Variants in BET1 observed in about 807,000 individuals in gnomAD.
BET1 encodes the protein BET1 homolog.
Under a neutral mutation model 13.9 loss-of-function variants are expected in BET1, and 9 were observed. That is an observed-to-expected ratio of 0.65 (90% confidence interval 0.39 to 1.13). The LOEUF is 1.13. BET1 is among the 50% of genes most tolerant of loss of function. BET1 has a pLI of 0.01. For synonymous variants in BET1, 39 were observed against 47.3 expected (o/e 0.82, Z 0.72); for missense variants, 127 against 133.6 (o/e 0.95, Z 0.24).
At chr7:93,994,440 A>G in intron 3 of BET1, 55 bp from the exon 4 acceptor site, 1 of 1,501,720 alleles carries the variant, frequency 6.7e-7, no homozygotes. Flanking sequence ...GAGTCTACAT[A>G]TGCATATCCA....
At chr7:93,984,738 G>A (rs1396366747) in intron 4 of BET1, among the ~76,000 whole-genome samples, 1 of 152,074 alleles carries the variant, frequency 6.6e-6, no homozygotes, top group Non-Finnish European at 1.5e-5. Context: ...GCACTATAAA[G>A]CATTGCGTGA....
In BET1 at chr7:93,993,732, C is replaced by A; in HGVS notation, c.*498G>T. ...AGGAAGATTGTAGGTAAAAAGAAATCAGCCTACAATTTTAACTAAATAAAG... is the reference window on the plus strand; with the variant it reads ...AGGAAGATTGTAGGTAAAAAGAAATAAGCCTACAATTTTAACTAAATAAAG... On this transcript the variant is annotated 3_prime_UTR_variant, in exon 4 of 4. Coordinates refer to ENST00000222547, the MANE Select transcript of BET1 (RefSeq NM_005868.6). 1 of 1,345,686 alleles carries A rather than the reference C, an allele frequency of 7.4e-7. No individual in the cohort carries two copies. Among genetic ancestry groups the A allele is most frequent in the Non-Finnish European group, 9.5e-7 (1 of 1,054,362 alleles). 83.4% of individuals were successfully genotyped at this position (1,345,686 alleles called of 1,614,324 possible).
In BET1 at chr7:93,993,378, A is replaced by G; in HGVS notation, c.*852T>C. ...TCTGCCTTTGTGTTTTTCTTTCCAT[A>G]AACAAATACACTGGATTAAAGCAAT... On this transcript the variant is annotated 3_prime_UTR_variant, in exon 4 of 4. Transcript: ENST00000222547. The G allele has an allele frequency of 3.1e-6, 3 of 974,964 alleles. No homozygotes were observed. Among genetic ancestry groups the G allele is most frequent in the Non-Finnish European group, 3.7e-6 (3 of 820,052 alleles). The allele number at this position is 974,964 out of a possible 1,614,324, so 60.4% of individuals were successfully genotyped here.
In BET1 at chr7:93,994,010, C is replaced by CA. The variant is rs1247840504; in HGVS notation, c.*219dup. The CA allele has an allele frequency of 1.3e-6, 2 of 1,510,094 alleles. No individual in the cohort carries two copies. The highest frequency in any genetic ancestry group is 4.9e-5 in the East Asian group (2 of 40,668). 93.5% of individuals were successfully genotyped at this position (1,510,094 alleles called of 1,614,324 possible). On this transcript the variant is annotated 3_prime_UTR_variant, in exon 4 of 4. Transcript: ENST00000222547. The stretch of plus-strand genomic sequence containing the variant: ...GGAAATTAGTGGAGCCACACCCTCT[C>CA]ACTACCCCTGAAAATAGGGGCTAAA...
At chr7:93,997,111 C>T (rs1362013528) in intron 2 of BET1, among the ~76,000 whole-genome samples, 1 of 152,028 alleles carries the variant, frequency 6.6e-6, no homozygotes, top group Non-Finnish European at 1.5e-5. Context: ...CTATTCAAAC[C>T]AAAATCTATC....
intron 4 of BET1, among the ~76,000 whole-genome samples, chr7:93,985,600 A>ATATTGTAATGTATTCAAACTG (rs1795511852): frequency 6.6e-6 from 1 of 151,946 alleles, no homozygotes; most frequent in Non-Finnish European, 1.5e-5. Context: ...TATTCAAACT[A>ATATTGTAATGTATTCAAACTG]TATTGTAATG....
At chr7:93,966,264 G>C (rs561676278) in intron 6 of BET1, among the ~76,000 whole-genome samples, 160 of 152,054 alleles carry the variant, frequency 1.1e-3, no homozygotes, top group African/African-American at 3.7e-3. Flanking sequence ...TCTCTTCCAA[G>C]AAGTGCTTGC....
chr7:93,968,337 T>C (rs1270890553), intron 6 of BET1: 1 of 151,778 alleles, frequency 6.6e-6, no homozygotes, highest in Non-Finnish European at 1.5e-5. Flanking sequence ...TTCAAAACCA[T>C]ACATACAAAA....
At chr7:93,984,208 TTCTGTGTC>T (rs1040151672) in intron 4 of BET1, among the ~76,000 whole-genome samples, 8 of 152,266 alleles carry the variant, frequency 5.3e-5, no homozygotes, top group Non-Finnish European at 7.4e-5. Flanking sequence ...ACAGGGCATT[TTCTGTGTC>T]TCTGTGCCCA....
chr7:93,995,897 C>T (rs539796443), intron 3 of BET1: 18 of 312,318 alleles, frequency 5.8e-5, no homozygotes, highest in Admixed American at 3.6e-4. Context: ...ATTAAGTGAA[C>T]GACATTTAGT....
intron 3 of BET1, among the ~76,000 whole-genome samples, chr7:93,994,727 A>AT (rs951288881): frequency 2.2e-4 from 34 of 152,166 alleles, no homozygotes; most frequent in Admixed American, 1.2e-3. Context: ...TATCACACAG[A>AT]TTTTTTTCCC....
intron 1 of BET1, among the ~76,000 whole-genome samples, chr7:94,000,573 C>T (rs11984378): frequency 0.13 from 20,129 of 151,986 alleles, 3,903 homozygotes; most frequent in African/African-American, 0.43. Flanking sequence ...CAATATACTA[C>T]GGTGGCTTCA....
At position 94,000,641 on chromosome 7, in the gene BET1, A is replaced by G. The variant is rs74725715; in HGVS notation, c.20-1347T>C. ...AGAGTTCATCGGCCTGAGTTAGTCCAGGAGAAGGTGGATGGTTGGACTAAT... is the reference window on the plus strand; with the variant it reads ...AGAGTTCATCGGCCTGAGTTAGTCCGGGAGAAGGTGGATGGTTGGACTAAT... On this transcript the variant is annotated intron_variant, in intron 1 of 3. Coordinates refer to ENST00000222547, the MANE Select transcript of BET1 (RefSeq NM_005868.6). 4.5e-3 allele frequency among the ~76,000 whole-genome samples: 678 copies of G among 152,180 alleles called. 3 individuals are homozygous for G. The highest frequency in any genetic ancestry group is 0.016 in the African/African-American group (652 of 41,480).
intron 6 of BET1, among the ~76,000 whole-genome samples, chr7:93,971,170 A>G (rs756778862): frequency 1.3e-5 from 2 of 151,856 alleles, no homozygotes; most frequent in African/African-American, 4.8e-5. Context: ...ATAATACTTA[A>G]GCAGAAATAC....
exon 7 of BET1, chr7:93,962,815 A>C (rs143212475): frequency 1.1e-3 from 162 of 152,194 alleles, no homozygotes; most frequent in African/African-American, 3.7e-3. Flanking sequence ...CACAGGATAC[A>C]TTATCTGAAA....
downstream of BET1, chr7:93,991,783 A>G: frequency 2.1e-6 from 2 of 963,452 alleles, no homozygotes; most frequent in Non-Finnish European, 2.5e-6. Context: ...TTCCCAATAA[A>G]TATTTAGTCA....
At chr7:93,984,588 ATGT>A (rs1224743030) in intron 4 of BET1, among the ~76,000 whole-genome samples, 1 of 152,100 alleles carries the variant, frequency 6.6e-6, no homozygotes, top group Non-Finnish European at 1.5e-5. Flanking sequence ...AAAAAAAAAA[ATGT>A]TGTAATTAGG....
At chr7:93,975,010 C>G (rs570336017) in intron 5 of BET1, among the ~76,000 whole-genome samples, 22 of 151,998 alleles carry the variant, frequency 1.4e-4, no homozygotes, top group Non-Finnish European at 2.2e-4. Flanking sequence ...TGCATAATCT[C>G]AATCTAATCA....
intron 4 of BET1, among the ~76,000 whole-genome samples, chr7:93,981,772 A>G (rs1489762267): frequency 1.3e-5 from 2 of 152,190 alleles, no homozygotes; most frequent in Non-Finnish European, 2.9e-5. Context: ...CTGGAGAAGT[A>G]ACACCTTCTC....
Sources: gnomAD v4.1 joint callset for allele counts (sites outside exome capture counted in the v4.1 genomes callset) on GRCh38, gnomAD v4.1.1 for gene constraint, MANE v1.5 for transcripts, NCBI Gene and HGNC (gene_info 2026-07-23, HGNC 2026-07-21) for gene names.